The following IGSF11 variants were observed in gnomAD, a reference collection of about 807,000 sequenced individuals.
The protein encoded by IGSF11 is CXADR like 1.
Under a neutral mutation model 41.0 loss-of-function variants are expected in IGSF11, and 22 were observed. That is an observed-to-expected ratio of 0.54 (90% CI 0.38 to 0.77). The LOEUF is 0.77. IGSF11 is among the 30% of genes least tolerant of loss of function. The pLI is 0.00. For missense variants in IGSF11, 444 were observed against 530.8 expected (o/e 0.84, Z 1.61); for synonymous variants, 219 against 201.3 (o/e 1.09, Z -0.74).
intron 1 of IGSF11, among the ~76,000 whole-genome samples, chr3:119,085,322 A>G (rs2076652770): frequency 1.3e-5 from 2 of 152,232 alleles, no homozygotes; most frequent in South Asian, 2.1e-4. Flanking sequence ...ACTAAGACCA[A>G]GCACTTAACA....
At chr3:118,948,232 T>C (rs185963691) in intron 1 of IGSF11, 1 of 152,314 alleles carries the variant, frequency 6.6e-6, no homozygotes, top group Non-Finnish European at 1.5e-5. Flanking sequence ...GTATTTTGTA[T>C]TGAAAATAAG....
chr3:119,003,430 T>C (rs1206598020), intron 1 of IGSF11, among the ~76,000 whole-genome samples: 1 of 150,636 alleles, frequency 6.6e-6, no homozygotes, highest in Non-Finnish European at 1.5e-5. Flanking sequence ...CAGGGACAAT[T>C]TGACTTCCTC....
chr3:119,124,266 C>CTTTTTTTTTTTTT (rs567233919), intron 1 of IGSF11, among the ~76,000 whole-genome samples: 1 of 79,478 alleles, frequency 1.3e-5, no homozygotes, highest in African/African-American at 4.7e-5. Flanking sequence ...ACATCAGAGC[C>CTTTTTTTTTTTTT]TTTTTTTTTT....
intron 1 of IGSF11, among the ~76,000 whole-genome samples, chr3:119,091,971 G>A (rs943271895): frequency 7.9e-6 from 1 of 127,360 alleles, no homozygotes; most frequent in Non-Finnish European, 1.6e-5. Flanking sequence ...TGTGTGTTTT[G>A]TTTTTTGGTT....
chr3:118,995,870 C>T (rs1230726261), intron 1 of IGSF11, among the ~76,000 whole-genome samples: 1 of 152,078 alleles, frequency 6.6e-6, no homozygotes, highest in Non-Finnish European at 1.5e-5. Context: ...CCAGGATGGT[C>T]TCGATCTGAC....
chr3:118,911,121 GCACA>G (rs939688740), intron 4 of IGSF11, among the ~76,000 whole-genome samples: 1 of 151,194 alleles, frequency 6.6e-6, no homozygotes, highest in Admixed American at 6.6e-5. Context: ...ATGTGTGTGT[GCACA>G]CACACACACA....
intron 1 of IGSF11, among the ~76,000 whole-genome samples, chr3:119,075,581 A>T (rs2107473097): frequency 6.6e-6 from 1 of 152,330 alleles, no homozygotes; most frequent in South Asian, 2.1e-4. Flanking sequence ...TCCTCAGCAA[A>T]ATACTAGCAA....
At chr3:118,997,752 T>G (rs964148024) in intron 1 of IGSF11, among the ~76,000 whole-genome samples, 2 of 152,128 alleles carry the variant, frequency 1.3e-5, no homozygotes, top group Non-Finnish European at 2.9e-5. Context: ...ATTCCTCTCT[T>G]CTACTGACCC....
chr3:119,031,591 TG>T (rs1940403137), intron 1 of IGSF11, among the ~76,000 whole-genome samples: 1 of 152,392 alleles, frequency 6.6e-6, no homozygotes, highest in African/African-American at 2.4e-5. Flanking sequence ...CATTACCTTG[TG>T]TCTGACAACA....
At chr3:119,121,412 A>G (rs1386974698) in intron 1 of IGSF11, among the ~76,000 whole-genome samples, 1 of 152,208 alleles carries the variant, frequency 6.6e-6, no homozygotes. Context: ...TGAGAAGTAC[A>G]ATAACTAAAA....
At chr3:119,118,732 TA>T (rs1416839306) in intron 1 of IGSF11, among the ~76,000 whole-genome samples, 2 of 152,244 alleles carry the variant, frequency 1.3e-5, no homozygotes, top group Admixed American at 1.3e-4. Context: ...TCCAAACTTT[TA>T]TGCCCTGTTT....
intron 1 of IGSF11, among the ~76,000 whole-genome samples, chr3:119,071,696 C>A (rs1341257595): frequency 2.0e-5 from 3 of 152,162 alleles, no homozygotes; most frequent in Non-Finnish European, 4.4e-5. Flanking sequence ...ATATGTCCAT[C>A]ATCATGCCAG....
chr3:118,942,235 G>A (rs1943752529), intron 1 of IGSF11, among the ~76,000 whole-genome samples: 1 of 152,134 alleles, frequency 6.6e-6, no homozygotes, highest in Non-Finnish European at 1.5e-5. Flanking sequence ...AATCTTCCAG[G>A]AAAACATCCA....
intron 1 of IGSF11, chr3:118,948,099 G>A (rs1232966475): frequency 6.6e-6 from 1 of 152,188 alleles, no homozygotes; most frequent in South Asian, 2.1e-4. Flanking sequence ...TATATACACA[G>A]AAACATGCTG....
chr3:118,995,694 C>T (rs1936197348), intron 1 of IGSF11, among the ~76,000 whole-genome samples: 2 of 152,110 alleles, frequency 1.3e-5, no homozygotes, highest in Middle Eastern at 3.4e-3. Flanking sequence ...GCTCTGTTGC[C>T]CAAGCTGGAG....
chr3:119,090,661 A>G (rs2573197), intron 1 of IGSF11, among the ~76,000 whole-genome samples: 64,722 of 152,026 alleles, frequency 0.43, 14,648 homozygotes, highest in Non-Finnish European at 0.51. Context: ...ATAAATTGTG[A>G]TAGAATAACT....
In IGSF11 at chr3:118,995,786, G is replaced by A. The variant is rs1371375992; in HGVS notation, c.52+38745C>T. Among the ~76,000 whole-genome samples, 5 of 152,186 alleles carry A rather than the reference G, an allele frequency of 3.3e-5. No individual in the cohort carries two copies. The East Asian group carries it at 9.7e-4, about 29-fold the overall frequency. The stretch of plus-strand genomic sequence containing the variant: ...TCCTGCCTCAGCCTCCTGAGTAGCT[G>A]GGACTACAGGTGCCCGCCACCACGC... On this transcript the variant is annotated intron_variant, in intron 1 of 6. Transcript: ENST00000393775.
At chr3:119,132,595 A>C (rs573512847) in intron 1 of IGSF11, among the ~76,000 whole-genome samples, 5 of 152,182 alleles carry the variant, frequency 3.3e-5, no homozygotes, top group African/African-American at 1.2e-4. Flanking sequence ...GACCTATAAA[A>C]GACTTAGACT....
chr3:119,113,149 G>T (rs1413577755), intron 1 of IGSF11, among the ~76,000 whole-genome samples: 1 of 152,152 alleles, frequency 6.6e-6, no homozygotes, highest in Non-Finnish European at 1.5e-5. Flanking sequence ...AATTTGACAT[G>T]AGATTTGGGT....
Sources: allele counts gnomAD v4.1 joint callset (sites outside exome capture counted in the v4.1 genomes callset), GRCh38; gene constraint gnomAD v4.1.1; transcripts MANE v1.5; gene names NCBI Gene and HGNC (gene_info 2026-07-23, HGNC 2026-07-21).